TMTC1: variants seen among roughly 807,000 people sequenced by gnomAD.
The protein encoded by TMTC1 is transmembrane O-mannosyltransferase targeting cadherins 1.
A neutral mutation model predicts 104.8 loss-of-function variants in TMTC1; 73 were observed. That is an observed-to-expected ratio of 0.70 (90% confidence interval 0.58 to 0.85). TMTC1 has a LOEUF of 0.85. Among genes scored for constraint, TMTC1 ranks in the 40% least tolerant of loss-of-function variants. TMTC1 has a pLI of 0.00. For missense variants in TMTC1, 1,035 were observed against 1,096.1 expected (o/e 0.94, Z 0.79); for synonymous variants, 434 against 428.7 (o/e 1.01, Z -0.15).
chr12:29,778,339 G>A (rs945207402), intron 1 of TMTC1, among the ~76,000 whole-genome samples: 15 of 152,170 alleles, frequency 9.9e-5, no homozygotes, highest in Admixed American at 4.6e-4. Flanking sequence ...ATGGCACTGC[G>A]AACAATTCAG....
intron 5 of TMTC1, among the ~76,000 whole-genome samples, chr12:29,695,828 T>TATATAA (rs1243156784): frequency 3.8e-5 from 4 of 106,176 alleles, no homozygotes; most frequent in Non-Finnish European, 6.1e-5. Context: ...TATATATATA[T>TATATAA]AACCTGTCTT....
intron 15 of TMTC1, among the ~76,000 whole-genome samples, chr12:29,516,148 T>C (rs1050606319): frequency 3.9e-5 from 6 of 152,108 alleles, no homozygotes; most frequent in African/African-American, 1.4e-4. Flanking sequence ...ACACCAAAGA[T>C]AAGCCAAGAA....
intron 5 of TMTC1, among the ~76,000 whole-genome samples, chr12:29,731,320 C>T (rs959055333): frequency 1.3e-5 from 2 of 152,170 alleles, no homozygotes; most frequent in African/African-American, 4.8e-5. Context: ...CCATGCCCGG[C>T]TAATTTCTGT....
intron 7 of TMTC1, 130 bp from the exon 8 acceptor site, chr12:29,583,704 G>A: frequency 1.3e-6 from 1 of 782,528 alleles, no homozygotes; most frequent in Non-Finnish European, 2.0e-6. Context: ...AAACTCCCCT[G>A]CCTTGGACAA....
In TMTC1 at chr12:29,573,331, T is replaced by C. The variant is rs563162582; in HGVS notation, c.1419-1113A>G. On this transcript the variant is annotated intron_variant, in intron 8 of 17. Coordinates refer to ENST00000539277, the MANE Select transcript of TMTC1 (RefSeq NM_001193451.2). ...GCCCAAGCAGAATCATTAAAAAGGA[T>C]CAATTCCAGAAGTGAGATCGTTTGA... Among the ~76,000 whole-genome samples the C allele has an allele frequency of 7.2e-5, 11 of 152,204 alleles. No homozygotes were observed. In the South Asian group the frequency reaches 2.3e-3, roughly 32 times the overall value.
Position 29,580,983 on chromosome 12 carries a change from T to C in TMTC1, c.1418+2424A>G, listed in dbSNP as rs145094096. Among the ~76,000 whole-genome samples the C allele has an allele frequency of 5.3e-5, 8 of 152,346 alleles. No individual in the cohort carries two copies. In the East Asian group the frequency reaches 1.5e-3, roughly 29 times the overall value. Reference sequence around the variant, plus strand: ...GTTTCTCAAATGCCAGAAACTGTCCTGTGCATCTCTCACATACTATTTTAT... The same window carrying C: ...GTTTCTCAAATGCCAGAAACTGTCCCGTGCATCTCTCACATACTATTTTAT... On this transcript the variant is annotated intron_variant, in intron 8 of 17. Coordinates refer to ENST00000539277, the MANE Select transcript of TMTC1 (RefSeq NM_001193451.2).
chr12:29,557,822 AT>A (rs1945284615), intron 9 of TMTC1, among the ~76,000 whole-genome samples: 5 of 152,212 alleles, frequency 3.3e-5, no homozygotes, highest in Admixed American at 3.3e-4. Flanking sequence ...ATGTCACCCC[AT>A]AAAAATAAAC....
At chr12:29,553,319 C>T (rs931607252) in intron 10 of TMTC1, among the ~76,000 whole-genome samples, 7 of 152,100 alleles carry the variant, frequency 4.6e-5, no homozygotes, top group African/African-American at 1.7e-4. Context: ...CCTAATAGAT[C>T]GTTTTAAAGA....
chr12:29,622,698 A>G (rs1591818606), intron 6 of TMTC1, among the ~76,000 whole-genome samples: 1 of 152,236 alleles, frequency 6.6e-6, no homozygotes, highest in Non-Finnish European at 1.5e-5. Context: ...TCATTGTTAA[A>G]AACAATTCGA....
chr12:29,522,554 ATGTGTG>A (rs4034168), intron 11 of TMTC1, among the ~76,000 whole-genome samples: 83,762 of 148,688 alleles, frequency 0.56, 23,690 homozygotes, highest in Non-Finnish European at 0.61. Flanking sequence ...AGGACTGACA[ATGTGTG>A]TGTGTGTGTG....
intron 6 of TMTC1, among the ~76,000 whole-genome samples, chr12:29,631,010 G>T (rs1938267601): frequency 6.6e-6 from 1 of 152,166 alleles, no homozygotes; most frequent in South Asian, 2.1e-4. Context: ...AATGACTAAT[G>T]ATGCTGAGCA....
chr12:29,690,576 C>G (rs1429404706), intron 5 of TMTC1, among the ~76,000 whole-genome samples: 2 of 152,126 alleles, frequency 1.3e-5, no homozygotes, highest in Non-Finnish European at 2.9e-5. Flanking sequence ...TTATCCATTT[C>G]AAAAGATCTA....
At position 29,594,842 on chromosome 12, in the gene TMTC1, C is replaced by T. The variant is rs567003751; in HGVS notation, c.1250+9336G>A. Among the ~76,000 whole-genome samples, 3 of 152,218 alleles carry T rather than the reference C, an allele frequency of 2.0e-5. No homozygotes were observed. In the South Asian group the frequency reaches 6.2e-4, roughly 32 times the overall value. On this transcript the variant is annotated intron_variant, in intron 7 of 17. Transcript: ENST00000539277. Reference sequence around the variant, plus strand: ...TTGCAGAATGCTAACTTGCTAAGTGCTAGGGTTGTTCACTTTTGAGCTGCT... The same window carrying T: ...TTGCAGAATGCTAACTTGCTAAGTGTTAGGGTTGTTCACTTTTGAGCTGCT...
At chr12:29,613,980 A>G in intron 6 of TMTC1, 1 of 948,902 alleles carries the variant, frequency 1.1e-6, no homozygotes, top group South Asian at 4.9e-5. Context: ...TATAATCTAA[A>G]ATTAATAAGG....
At chr12:29,654,111 A>G (rs1487358804) in intron 5 of TMTC1, among the ~76,000 whole-genome samples, 1 of 152,174 alleles carries the variant, frequency 6.6e-6, no homozygotes, top group Non-Finnish European at 1.5e-5. Context: ...AAAATAAAAA[A>G]CTTACATGCT....
At chr12:29,514,767 C>T (rs569476571) in intron 15 of TMTC1, among the ~76,000 whole-genome samples, 163 bp from the exon 16 acceptor site, 2 of 152,220 alleles carry the variant, frequency 1.3e-5, no homozygotes, top group South Asian at 4.2e-4. Flanking sequence ...GGCTGTAATC[C>T]TAGTACTTTG....
chr12:29,698,070 TCTTCC>T (rs1283270687), intron 5 of TMTC1, among the ~76,000 whole-genome samples: 1 of 152,158 alleles, frequency 6.6e-6, no homozygotes, highest in Non-Finnish European at 1.5e-5. Context: ...TTTCCTCTGA[TCTTCC>T]CTTATCTGCC....
At chr12:29,561,595 C>G (rs1490547253) in intron 9 of TMTC1, among the ~76,000 whole-genome samples, 1 of 152,176 alleles carries the variant, frequency 6.6e-6, no homozygotes, top group Non-Finnish European at 1.5e-5. Context: ...CAGCTTTAAC[C>G]TCAACTAAAG....
intron 5 of TMTC1, among the ~76,000 whole-genome samples, chr12:29,692,368 G>A (rs73271799): frequency 0.012 from 1,641 of 142,280 alleles, 198 homozygotes; most frequent in African/African-American, 0.042. Context: ...ATTGTGCTCT[G>A]AGGGCCAACG....
Sources: allele counts gnomAD v4.1 joint callset (sites outside exome capture counted in the v4.1 genomes callset), GRCh38; gene constraint gnomAD v4.1.1; transcripts MANE v1.5; gene names NCBI Gene and HGNC (gene_info 2026-07-23, HGNC 2026-07-21).